Variants in KCNQ5 observed in about 807,000 individuals in gnomAD.
KCNQ5 encodes potassium voltage-gated channel subfamily KQT member 5.
Under a neutral mutation model 98.2 loss-of-function variants are expected in KCNQ5, and 30 were observed. The ratio of observed to expected loss-of-function variants is 0.31; its 90% CI spans 0.23 to 0.41. KCNQ5 has a LOEUF of 0.41. Ranked by LOEUF, KCNQ5 falls within the 10% of genes least tolerant of loss-of-function variation. The probability of loss-of-function intolerance (pLI) is 1.00; values close to 1 mark genes in which losing one functional copy is unlikely to be tolerated. For synonymous variants in KCNQ5, 458 were observed against 449.4 expected (o/e 1.02, Z -0.24); for missense variants, 835 against 1,182.5 (o/e 0.71, Z 4.31).
At chr6:72,712,316 G>A (rs1311752840) in intron 1 of KCNQ5, among the ~76,000 whole-genome samples, 1 of 152,120 alleles carries the variant, frequency 6.6e-6, no homozygotes, top group Non-Finnish European at 1.5e-5. Context: ...AGAGTCCAAG[G>A]TTTAAGAAGC....
chr6:72,920,315 T>C (rs947505679), intron 1 of KCNQ5, among the ~76,000 whole-genome samples: 2 of 152,130 alleles, frequency 1.3e-5, no homozygotes, highest in East Asian at 1.9e-4. Context: ...AGGGGGATTC[T>C]GCCTGTCTCC....
intron 1 of KCNQ5, among the ~76,000 whole-genome samples, chr6:72,898,131 G>C (rs1408649589): frequency 6.6e-6 from 1 of 152,098 alleles, no homozygotes; most frequent in Non-Finnish European, 1.5e-5. Flanking sequence ...GTATACATGA[G>C]GGGGAAACGT....
intron 1 of KCNQ5, among the ~76,000 whole-genome samples, chr6:72,850,075 A>G (rs777554790): frequency 3.3e-5 from 5 of 152,180 alleles, no homozygotes; most frequent in African/African-American, 9.7e-5. Context: ...AATTTTTAAG[A>G]CAAGAAATTT....
rs151187571 is a variant in KCNQ5 at position 72,809,971 on chromosome 6, T to G, written c.398+187384T>G. Among the ~76,000 whole-genome samples the G allele has an allele frequency of 1.9e-3, 292 of 152,286 alleles. 3 individuals carry two copies. Among genetic ancestry groups the G allele is most frequent in the Admixed American group, 0.013 (199 of 15,298 alleles). The stretch of plus-strand genomic sequence containing the variant: ...GCACATGTCACAGTTTCTGTTTGCT[T>G]CTGTTGTGACTTTTAATGGGCCCTG... On this transcript the variant is annotated intron_variant, in intron 1 of 13. Transcript: ENST00000370398.
intron 1 of KCNQ5, among the ~76,000 whole-genome samples, chr6:73,002,968 G>A (rs907386604): frequency 3.9e-5 from 6 of 152,098 alleles, no homozygotes; most frequent in Non-Finnish European, 8.8e-5. Context: ...TCATCCAGAG[G>A]AGCATAGAAA....
rs1342450219 is a variant in KCNQ5, at chr6:72,622,960, A to C, written c.398+373A>C. On this transcript the variant is annotated intron_variant, in intron 1 of 13. Coordinates refer to ENST00000370398, the MANE Select transcript of KCNQ5 (RefSeq NM_019842.4). The surrounding 1 kb of genome is among the most constrained non-coding windows in gnomAD (Gnocchi z 6.0). ...GAGCTAGGGAATGCAAAGGGAGGAC[A>C]GGCGCCCGTGTGAGGCTTGAGAGTA... is the stretch of plus-strand genomic sequence containing the variant. 6.6e-6 allele frequency among the ~76,000 whole-genome samples: 1 copy of C among 152,068 alleles called. No homozygotes were observed. Among genetic ancestry groups the C allele is most frequent in the Admixed American group, 6.5e-5 (1 of 15,272 alleles).
intron 1 of KCNQ5, among the ~76,000 whole-genome samples, chr6:72,783,008 A>G (rs574765442): frequency 1.1e-4 from 16 of 152,238 alleles, no homozygotes; most frequent in Non-Finnish European, 7.3e-5. Context: ...GTAGAGCAGT[A>G]GAAGCAGGGA....
At chr6:73,029,794 G>A (rs1273493442) in intron 2 of KCNQ5, among the ~76,000 whole-genome samples, 3 of 150,024 alleles carry the variant, frequency 2.0e-5, no homozygotes, top group Admixed American at 6.7e-5. Context: ...TTAGCTGGGC[G>A]TAGCTACTCA....
At chr6:72,880,820 T>G (rs1173797454) in intron 1 of KCNQ5, among the ~76,000 whole-genome samples, 1 of 152,232 alleles carries the variant, frequency 6.6e-6, no homozygotes, top group Non-Finnish European at 1.5e-5. Flanking sequence ...ATAAATAATG[T>G]CAACTTTTTT....
chr6:73,180,659 A>T (rs577718887), intron 11 of KCNQ5, among the ~76,000 whole-genome samples: 1 of 152,196 alleles, frequency 6.6e-6, no homozygotes, highest in African/African-American at 2.4e-5. Context: ...TTGGCCACAC[A>T]TTAGCATCAC....
chr6:72,999,701 G>T (rs988860338), intron 1 of KCNQ5, among the ~76,000 whole-genome samples: 1 of 152,138 alleles, frequency 6.6e-6, no homozygotes, highest in African/African-American at 2.4e-5. Flanking sequence ...AAATTATGAT[G>T]AAATCTATTA....
chr6:72,778,210 T>C (rs190382164), intron 1 of KCNQ5, among the ~76,000 whole-genome samples: 1 of 152,288 alleles, frequency 6.6e-6, no homozygotes, highest in African/African-American at 2.4e-5. Flanking sequence ...AGAAATCTAT[T>C]GCATAATATG....
At chr6:73,139,503 C>A (rs1254328133) in intron 10 of KCNQ5, among the ~76,000 whole-genome samples, 1 of 152,192 alleles carries the variant, frequency 6.6e-6, no homozygotes, top group Non-Finnish European at 1.5e-5. Flanking sequence ...TGTCCTTAAA[C>A]ATGGTGCTTT....
chr6:72,687,026 A>C (rs1767993676), intron 1 of KCNQ5, among the ~76,000 whole-genome samples: 1 of 152,164 alleles, frequency 6.6e-6, no homozygotes, highest in Non-Finnish European at 1.5e-5. Context: ...GTGTAAGTAA[A>C]TATATTTTAG....
rs1160965109 is a variant in KCNQ5 at position 73,195,004 on chromosome 6, A to T, written c.2389A>T (p.Asn797Tyr). The T allele has an allele frequency of 6.2e-7, 1 of 1,614,202 alleles. No individual in the cohort carries two copies. Among genetic ancestry groups the T allele is most frequent in the Non-Finnish European group, 8.5e-7 (1 of 1,180,036 alleles). ...GGAAAATGTTCAGGTTGCACAGTCA[A>T]ATCTCACCAAGGACCGTTCTATGAG... ...SKENVQVAQSNLTKDRSMRKS... is the reference protein window; with the variant it reads ...SKENVQVAQSYLTKDRSMRKS... The change falls in exon 14 of 14, where the codon AAT becomes TAT. Residue 797 changes from asparagine to tyrosine, a missense_variant. By Grantham distance (143) the Asn-to-Tyr change is moderately radical. This residue lies in a region of KCNQ5 where 416 missense variants were observed against 446.9 expected (regional missense o/e 0.93). Coordinates refer to ENST00000370398, the MANE Select transcript of KCNQ5 (RefSeq NM_019842.4).
chr6:72,891,356 T>G (rs1330925070), intron 1 of KCNQ5, among the ~76,000 whole-genome samples: 1 of 152,208 alleles, frequency 6.6e-6, no homozygotes, highest in African/African-American at 2.4e-5. Context: ...AATGGTTGGA[T>G]GAACATACTC....
intron 1 of KCNQ5, among the ~76,000 whole-genome samples, chr6:72,787,158 A>G (rs900147357): frequency 5.3e-5 from 8 of 152,164 alleles, no homozygotes; most frequent in South Asian, 2.1e-4. Flanking sequence ...TACAGCCACA[A>G]ATTCACAGTG....
intron 11 of KCNQ5, among the ~76,000 whole-genome samples, chr6:73,172,766 A>G (rs1314210519): frequency 1.3e-5 from 2 of 151,492 alleles, no homozygotes; most frequent in Admixed American, 6.6e-5. Flanking sequence ...TTATTTTTTA[A>G]TTGTTAGAAT....
At chr6:72,810,941 A>T (rs1033175551) in intron 1 of KCNQ5, among the ~76,000 whole-genome samples, 1 of 152,234 alleles carries the variant, frequency 6.6e-6, no homozygotes, top group Non-Finnish European at 1.5e-5. Flanking sequence ...GATGCTAAGA[A>T]TACCCTGTGT....
Sources: gnomAD v4.1 joint callset for allele counts (sites outside exome capture counted in the v4.1 genomes callset) on GRCh38, gnomAD v4.1.1 for gene constraint, gnomAD v4.1.1 regional missense constraint, Gnocchi (gnomAD v3.1) non-coding constraint, MANE v1.5 for transcripts, NCBI Gene and HGNC (gene_info 2026-07-23, HGNC 2026-07-21) for gene names.